Variants in ZCWPW2 observed in about 807,000 individuals in gnomAD.
The protein encoded by ZCWPW2 is zinc finger CW-type PWWP domain protein 2.
In ZCWPW2, 45 loss-of-function variants were observed where a neutral mutation model predicts 46.6. The observed-to-expected ratio is 0.96, with a 90% CI of 0.76 to 1.24. The LOEUF (loss-of-function observed/expected upper bound fraction) is 1.24. Ranked by LOEUF, ZCWPW2 falls within the 50% of genes most tolerant of loss-of-function variation. The probability of loss-of-function intolerance (pLI) is 0.00; values close to 1 mark genes in which losing one functional copy is unlikely to be tolerated. For missense variants in ZCWPW2, 429 were observed against 403.9 expected, an observed-to-expected ratio of 1.06 and a Z score of -0.53; for synonymous variants, 152 against 137.1, an observed-to-expected ratio of 1.11 and a Z score of -0.76.
chr3:28,359,763 A>G (rs1704871586), intron 1 of ZCWPW2, among the ~76,000 whole-genome samples: 1 of 152,162 alleles, frequency 6.6e-6, no homozygotes, highest in Non-Finnish European at 1.5e-5. Flanking sequence ...CGTTCATGAA[A>G]CATTCCCTTA....
chr3:28,410,683 G>A (rs905938019), intron 2 of ZCWPW2, among the ~76,000 whole-genome samples: 1 of 151,930 alleles, frequency 6.6e-6, no homozygotes, highest in African/African-American at 2.4e-5. Flanking sequence ...AACCTTGAAT[G>A]CTTGTATTAG....
chr3:28,368,004 C>A (rs571840950), intron 1 of ZCWPW2, among the ~76,000 whole-genome samples: 122 of 152,146 alleles, frequency 8.0e-4, no homozygotes, highest in South Asian at 1.5e-3. Context: ...CTTGGTAGAT[C>A]TTCCTCCATC....
intron 4 of ZCWPW2, among the ~76,000 whole-genome samples, chr3:28,470,471 T>C (rs1207589816): frequency 7.2e-6 from 1 of 139,700 alleles, no homozygotes; most frequent in Non-Finnish European, 1.5e-5. Flanking sequence ...TCTAGCCTGG[T>C]GACAGAGCGA....
intron 2 of ZCWPW2, among the ~76,000 whole-genome samples, chr3:28,410,977 C>T (rs983671023): frequency 6.6e-6 from 1 of 151,792 alleles, no homozygotes; most frequent in African/African-American, 2.4e-5. Flanking sequence ...TTAGAAAATT[C>T]CTCCCTTAGG....
rs139709822 is a variant in ZCWPW2 at position 28,388,754 on chromosome 3, A to G, written c.-133-1744A>G. On this transcript the variant is annotated intron_variant, in intron 1 of 9. Coordinates refer to ENST00000383768, the MANE Select transcript of ZCWPW2 (RefSeq NM_001040432.4). ...CACCTTCTGCCCCTACCTATTTTGTATTTTCTTTGCACCTTCAGCCAGCAT... is the reference window on the plus strand; with the variant it reads ...CACCTTCTGCCCCTACCTATTTTGTGTTTTCTTTGCACCTTCAGCCAGCAT... Among the ~76,000 whole-genome samples the G allele has an allele frequency of 5.5e-4, 83 of 152,144 alleles. 1 individual carries two copies. Among genetic ancestry groups the G allele is most frequent in the African/African-American group, 1.9e-3 (80 of 41,514 alleles).
intron 1 of ZCWPW2, among the ~76,000 whole-genome samples, chr3:28,372,805 CTAT>C (rs1705376759): frequency 6.6e-6 from 1 of 152,150 alleles, no homozygotes; most frequent in Non-Finnish European, 1.5e-5. Flanking sequence ...TCCCCAGTGT[CTAT>C]TATTCCCCTC....
At chr3:28,404,864 T>C (rs1421534438) in intron 2 of ZCWPW2, among the ~76,000 whole-genome samples, 4 of 152,042 alleles carry the variant, frequency 2.6e-5, no homozygotes, top group African/African-American at 9.7e-5. Flanking sequence ...ACAATGGACT[T>C]TGGGGACTTA....
At chr3:28,455,148 T>A (rs1016699106) in intron 4 of ZCWPW2, among the ~76,000 whole-genome samples, 1 of 152,212 alleles carries the variant, frequency 6.6e-6, no homozygotes, top group South Asian at 2.1e-4. Flanking sequence ...CAGCATCTGT[T>A]ATTTTTTGGC....
chr3:28,512,143 C>T (rs1700443771), intron 6 of ZCWPW2, among the ~76,000 whole-genome samples: 1 of 151,600 alleles, frequency 6.6e-6, no homozygotes, highest in South Asian at 2.1e-4. Flanking sequence ...TAGCTTGGCA[C>T]CATGGGCTTT....
intron 1 of ZCWPW2, among the ~76,000 whole-genome samples, chr3:28,372,508 A>G (rs1029835484): frequency 2.6e-5 from 4 of 152,226 alleles, no homozygotes; most frequent in African/African-American, 4.8e-5. Context: ...TGCCTATTGA[A>G]CAACTGGCAA....
At chr3:28,410,687 G>A (rs1696366080) in intron 2 of ZCWPW2, among the ~76,000 whole-genome samples, 1 of 151,942 alleles carries the variant, frequency 6.6e-6, no homozygotes, top group African/African-American at 2.4e-5. Context: ...TTGAATGCTT[G>A]TATTAGAAAA....
chr3:28,417,585 T>G (rs1167380938), intron 3 of ZCWPW2, among the ~76,000 whole-genome samples: 1 of 149,522 alleles, frequency 6.7e-6, no homozygotes, highest in Non-Finnish European at 1.5e-5. Context: ...TAGACCAATA[T>G]CCTTGATGAA....
chr3:28,489,546 T>C (rs1699726499), intron 5 of ZCWPW2, among the ~76,000 whole-genome samples: 1 of 152,024 alleles, frequency 6.6e-6, no homozygotes, highest in South Asian at 2.1e-4. Flanking sequence ...GATAGAAGAA[T>C]GGTGGAGTCA....
rs533239212 is a variant in ZCWPW2 at position 28,511,255 on chromosome 3, T to C, written c.658-2809T>C. The stretch of plus-strand genomic sequence containing the variant: ...CTATTCTTTATATGGGTCATATTGT[T>C]GGATCCTAACTCATGGGAACTAATA... On this transcript the variant is annotated intron_variant, in intron 6 of 9. Transcript: ENST00000383768. 2.6e-4 allele frequency: 59 copies of C among 226,694 alleles called. 1 individual carries two copies. The South Asian group carries it at 3.4e-3, about 13-fold the overall frequency. The allele number at this position is 226,694 out of a possible 1,614,324, so 14.0% of individuals were successfully genotyped here.
chr3:28,417,431 G>C (rs528113210), intron 3 of ZCWPW2, among the ~76,000 whole-genome samples: 1 of 152,212 alleles, frequency 6.6e-6, no homozygotes. Context: ...AATTCTACCA[G>C]AGGTACAAGG....
At chr3:28,460,252 CTTTTT>C (rs75406240) in intron 4 of ZCWPW2, among the ~76,000 whole-genome samples, 2 of 125,430 alleles carry the variant, frequency 1.6e-5, no homozygotes, top group African/African-American at 5.8e-5. Flanking sequence ...CAGAGCTAGA[CTTTTT>C]TTTTTTTTTT....
chr3:28,472,236 A>T (rs1699065782), intron 4 of ZCWPW2, among the ~76,000 whole-genome samples: 1 of 152,194 alleles, frequency 6.6e-6, no homozygotes, highest in Non-Finnish European at 1.5e-5. Context: ...CCCAATATTT[A>T]TATGTAACCA....
At chr3:28,358,405 CT>C (rs1704819989) in intron 1 of ZCWPW2, among the ~76,000 whole-genome samples, 1 of 152,054 alleles carries the variant, frequency 6.6e-6, no homozygotes, top group Non-Finnish European at 1.5e-5. Flanking sequence ...TCTGATTATT[CT>C]TTTACAGTAT....
At chr3:28,482,331 C>A (rs571109135) in intron 5 of ZCWPW2, among the ~76,000 whole-genome samples, 1 of 152,148 alleles carries the variant, frequency 6.6e-6, no homozygotes, top group South Asian at 2.1e-4. Flanking sequence ...CTTGATAGAT[C>A]TTTTTTAAAT....
Sources: gnomAD v4.1 joint callset for allele counts (sites outside exome capture counted in the v4.1 genomes callset) on GRCh38, gnomAD v4.1.1 for gene constraint, MANE v1.5 for transcripts, NCBI Gene and HGNC (gene_info 2026-07-23, HGNC 2026-07-21) for gene names.